RYR2: variants seen among roughly 807,000 people sequenced by gnomAD.
RYR2 encodes ryanodine receptor 2, also known as cardiac muscle ryanodine receptor-calcium release channel.
RYR2 carries 227 observed loss-of-function variants against 601.1 expected under a neutral mutation model. The ratio of observed to expected loss-of-function variants is 0.38; its 90% CI spans 0.34 to 0.42. The LOEUF is 0.42. RYR2 is among the 10% of genes least tolerant of loss of function. The probability of loss-of-function intolerance (pLI) is 1.00; values close to 1 mark genes in which losing one functional copy is unlikely to be tolerated. For missense variants in RYR2, 4,646 were observed against 6,156.5 expected (o/e 0.75, Z 8.21); for synonymous variants, 2,223 against 2,175.1 (o/e 1.02, Z -0.61).
At chr1:237,497,440 A>C (rs912255053) in intron 20 of RYR2, among the ~76,000 whole-genome samples, 3 of 152,224 alleles carry the variant, frequency 2.0e-5, no homozygotes, top group Admixed American at 1.3e-4. Flanking sequence ...GGTTAGCTCC[A>C]TTTAAAAGCT....
chr1:237,689,846 T>C (rs1686779789), intron 63 of RYR2, among the ~76,000 whole-genome samples: 1 of 138,672 alleles, frequency 7.2e-6, no homozygotes, highest in African/African-American at 2.8e-5. Flanking sequence ...TCTTTAAGTC[T>C]TTTTTTTTTT....
At chr1:237,725,859 T>C (rs1159584908) in intron 74 of RYR2, among the ~76,000 whole-genome samples, 2 of 152,138 alleles carry the variant, frequency 1.3e-5, no homozygotes, top group African/African-American at 4.8e-5. Context: ...TCACCCATGC[T>C]GATCATAATG....
chr1:237,327,821 T>C (rs1381996538), intron 2 of RYR2, among the ~76,000 whole-genome samples: 1 of 152,230 alleles, frequency 6.6e-6, no homozygotes, highest in Non-Finnish European at 1.5e-5. Flanking sequence ...GAGAAGGGTA[T>C]AATTATTATC....
chr1:237,141,420 A>C (rs1017434825), intron 1 of RYR2, among the ~76,000 whole-genome samples: 1 of 152,134 alleles, frequency 6.6e-6, no homozygotes, highest in East Asian at 1.9e-4. Flanking sequence ...CAGTCCTCTG[A>C]GATCTTCCTA....
At position 237,180,060 on chromosome 1, in the gene RYR2, G is replaced by A. The variant is rs1678528946; in HGVS notation, c.49-90437G>A. ...TTGACCCCTGGGTATATTGTTGATGGGAGACCCGACTTACTGAGCCATGTC... is the reference window on the plus strand; with the variant it reads ...TTGACCCCTGGGTATATTGTTGATGAGAGACCCGACTTACTGAGCCATGTC... On this transcript the variant is annotated intron_variant, in intron 1 of 104. Coordinates refer to ENST00000366574, the MANE Select transcript of RYR2 (RefSeq NM_001035.3). The surrounding 1 kb of genome is among the most constrained non-coding windows in gnomAD (Gnocchi z 5.3). Among the ~76,000 whole-genome samples, 1 of 151,978 alleles carries A rather than the reference G, an allele frequency of 6.6e-6. No individual in the cohort carries two copies. The highest frequency in any genetic ancestry group is 2.1e-4 in the South Asian group (1 of 4,824).
At chr1:237,405,390 A>G (rs1572174246) in intron 10 of RYR2, among the ~76,000 whole-genome samples, 1 of 152,354 alleles carries the variant, frequency 6.6e-6, no homozygotes, top group East Asian at 1.9e-4. Context: ...TGCCCTTGAA[A>G]CAAAATGTTT....
chr1:237,712,407 G>A (rs1345571783), intron 71 of RYR2, among the ~76,000 whole-genome samples: 1 of 151,932 alleles, frequency 6.6e-6, no homozygotes, highest in Non-Finnish European at 1.5e-5. Flanking sequence ...TATATGAAAA[G>A]CAAGCTCCCC....
rs76726329 is a variant in RYR2, at chr1:237,794,165, A to G, written c.13913+168A>G. ...AGTGCTGTCCAACTCTTAATGGTGG[A>G]TGTCCTCAATTTTTGCCCTCTGAGT... On this transcript the variant is annotated intron_variant, in intron 95 of 104. Transcript: ENST00000366574. Among the ~76,000 whole-genome samples, 35 of 152,278 alleles carry G rather than the reference A, an allele frequency of 2.3e-4. 1 individual carries two copies. In the East Asian group the frequency reaches 6.8e-3, roughly 29 times the overall value.
chr1:237,164,771 C>A (rs1008381558), intron 1 of RYR2, among the ~76,000 whole-genome samples: 3 of 152,116 alleles, frequency 2.0e-5, no homozygotes, highest in Admixed American at 2.0e-4. Context: ...CCAGTTCAGG[C>A]CAGACCTCAA....
At chr1:237,403,852 G>A (rs370003758) in intron 10 of RYR2, among the ~76,000 whole-genome samples, 4 of 151,842 alleles carry the variant, frequency 2.6e-5, no homozygotes, top group Admixed American at 6.6e-5. Context: ...GTATAGAAAC[G>A]GAAAAAAAGC....
At chr1:237,286,248 T>C (rs1330590859) in intron 2 of RYR2, among the ~76,000 whole-genome samples, 1 of 152,130 alleles carries the variant, frequency 6.6e-6, no homozygotes, top group Non-Finnish European at 1.5e-5. Context: ...AAATAATTTT[T>C]TGATTTTCAT....
chr1:237,722,046 T>A (rs181816743), intron 73 of RYR2, among the ~76,000 whole-genome samples: 38 of 152,350 alleles, frequency 2.5e-4, no homozygotes, highest in Non-Finnish European at 4.7e-4. Flanking sequence ...ATCTATTGAT[T>A]TATATAATTT....
chr1:237,544,712 CTTAT>C (rs1329659240), intron 25 of RYR2, among the ~76,000 whole-genome samples: 6 of 152,238 alleles, frequency 3.9e-5, no homozygotes, highest in Non-Finnish European at 8.8e-5. Context: ...TCAAACTGTA[CTTAT>C]TTACTTTTAA....
At chr1:237,391,670 C>A (rs1205593173) in intron 10 of RYR2, among the ~76,000 whole-genome samples, 1 of 152,102 alleles carries the variant, frequency 6.6e-6, no homozygotes, top group South Asian at 2.1e-4. Context: ...TATTGAAAAT[C>A]CACCTCAATA....
At chr1:237,399,425 A>C (rs555265375) in intron 10 of RYR2, among the ~76,000 whole-genome samples, 8 of 152,228 alleles carry the variant, frequency 5.3e-5, no homozygotes, top group African/African-American at 1.9e-4. Flanking sequence ...ATAAAAGGGC[A>C]ACTTGAAGGA....
intron 88 of RYR2, among the ~76,000 whole-genome samples, chr1:237,779,601 A>AAAGTG (rs1309491300): frequency 1.3e-5 from 2 of 152,204 alleles, no homozygotes; most frequent in Non-Finnish European, 2.9e-5. Flanking sequence ...TCTCTGCAGT[A>AAAGTG]AAGTGAAGAA....
chr1:237,569,565 A>G (rs998878558), intron 29 of RYR2, among the ~76,000 whole-genome samples: 15 of 152,188 alleles, frequency 9.9e-5, no homozygotes, highest in African/African-American at 3.6e-4. Context: ...TATGAATAAG[A>G]AAATAAATAG....
At chr1:237,419,718 G>A (rs576497154) in intron 11 of RYR2, among the ~76,000 whole-genome samples, 1 of 152,232 alleles carries the variant, frequency 6.6e-6, no homozygotes, top group South Asian at 2.1e-4. Flanking sequence ...TAGGAAAGTA[G>A]GAGATTCATA....
intron 1 of RYR2, among the ~76,000 whole-genome samples, chr1:237,155,377 A>C (rs1310201144): frequency 6.6e-6 from 1 of 151,620 alleles, no homozygotes; most frequent in Non-Finnish European, 1.5e-5. Flanking sequence ...GGGGTTTCAC[A>C]ATGTTAGCCA....
Sources: allele counts gnomAD v4.1 joint callset (sites outside exome capture counted in the v4.1 genomes callset), GRCh38; gene constraint gnomAD v4.1.1; non-coding constraint Gnocchi (gnomAD v3.1); transcripts MANE v1.5; gene names NCBI Gene and HGNC (gene_info 2026-07-23, HGNC 2026-07-21).